The following PBRM1 variants were observed in gnomAD, a reference collection of about 807,000 sequenced individuals.
The protein encoded by PBRM1 is protein polybromo-1.
In PBRM1, 27 loss-of-function variants were observed where a neutral mutation model predicts 194.5. That is an observed-to-expected ratio of 0.14 (90% CI 0.10 to 0.19). The LOEUF is 0.19. Among genes scored for constraint, PBRM1 ranks in the 10% least tolerant of loss-of-function variants. The pLI is 1.00. For synonymous variants in PBRM1, 655 were observed against 693.2 expected (o/e 0.94, Z 0.87); for missense variants, 1,466 against 2,077.2 (o/e 0.71, Z 5.72).
intron 3 of PBRM1, among the ~76,000 whole-genome samples, chr3:52,664,590 C>A (rs1241398329): frequency 6.6e-6 from 1 of 151,606 alleles, no homozygotes; most frequent in Non-Finnish European, 1.5e-5. Flanking sequence ...CAAAAATTAG[C>A]CGGGCATGGT....
chr3:52,638,514 A>G (rs1286406836), intron 10 of PBRM1, among the ~76,000 whole-genome samples: 3 of 151,918 alleles, frequency 2.0e-5, no homozygotes, highest in African/African-American at 7.3e-5. Flanking sequence ...GTGCACCACC[A>G]TGCCTGGCTA....
intron 4 of PBRM1, among the ~76,000 whole-genome samples, chr3:52,660,233 G>C (rs1240594721): frequency 6.6e-6 from 1 of 152,134 alleles, no homozygotes; most frequent in African/African-American, 2.4e-5. Flanking sequence ...AGCCCTGAAG[G>C]CCTACACTAA....
At chr3:52,619,299 A>G (rs1433453053) in intron 13 of PBRM1, among the ~76,000 whole-genome samples, 2 of 152,262 alleles carry the variant, frequency 1.3e-5, no homozygotes, top group African/African-American at 4.8e-5. Context: ...ACCGAAATAC[A>G]TAGATGCTCA....
intron 2 of PBRM1, among the ~76,000 whole-genome samples, chr3:52,676,684 A>G (rs572810220): frequency 1.1e-3 from 163 of 152,332 alleles, no homozygotes; most frequent in Middle Eastern, 3.4e-3. Flanking sequence ...TTGGAACTGG[A>G]TAACAGGCAG....
At position 52,609,600 on chromosome 3, in the gene PBRM1, G is replaced by A; in HGVS notation, c.2280C>T (p.Arg760=). 1 of 1,613,034 alleles carries A rather than the reference G, an allele frequency of 6.2e-7. No individual in the cohort carries two copies. The highest frequency in any genetic ancestry group is 8.5e-7 in the Non-Finnish European group (1 of 1,179,550). The change falls in exon 16 of 30, where the codon CGC becomes CGT. Residue 760 remains arginine, a synonymous_variant. Coordinates refer to ENST00000296302, the Ensembl canonical transcript of PBRM1. This position sits in a 1 kb window ranked among gnomAD's most constrained non-coding sequence, Gnocchi z 4.1. ...AGTCCTCATCTCCCTCCAGGTCTCT[G>A]CGTGTTTCAAGCAGGACTTTGTGTA...
upstream of PBRM1, among the ~76,000 whole-genome samples, chr3:52,680,200 T>C (rs560148539): frequency 6.6e-6 from 1 of 152,228 alleles, no homozygotes; most frequent in Non-Finnish European, 1.5e-5. Context: ...GGCCATCATG[T>C]GGAAAAGAGC....
At chr3:52,549,891 T>A (rs1474149583) in intron 29 of PBRM1, among the ~76,000 whole-genome samples, 6 of 147,424 alleles carry the variant, frequency 4.1e-5, no homozygotes, top group Non-Finnish European at 8.9e-5. Flanking sequence ...GGCGACAGAG[T>A]GAGACTGTCT....
At chr3:52,562,505 T>C (rs981338667) in intron 24 of PBRM1, among the ~76,000 whole-genome samples, 6 of 151,482 alleles carry the variant, frequency 4.0e-5, no homozygotes, top group Non-Finnish European at 8.8e-5. Context: ...CAATCTGTAA[T>C]GGTGACCTCA....
chr3:52,652,723 C>T (rs905087932), intron 5 of PBRM1, among the ~76,000 whole-genome samples: 3 of 151,080 alleles, frequency 2.0e-5, no homozygotes, highest in African/African-American at 2.4e-5. Flanking sequence ...TTCGGCAAGG[C>T]GCGGTGGCTC....
At chr3:52,555,107 T>C (rs2081953654) in intron 26 of PBRM1, among the ~76,000 whole-genome samples, 1 of 152,252 alleles carries the variant, frequency 6.6e-6, no homozygotes, top group African/African-American at 2.4e-5. Context: ...CTATTATTTG[T>C]AGTTATTTTC....
At chr3:52,657,414 G>A (rs1031622044) in intron 5 of PBRM1, among the ~76,000 whole-genome samples, 33 of 152,016 alleles carry the variant, frequency 2.2e-4, no homozygotes, top group South Asian at 2.1e-4. Context: ...ATGATAGACC[G>A]TATACATTTT....
chr3:52,654,418 T>C (rs1304181331), intron 5 of PBRM1, among the ~76,000 whole-genome samples: 1 of 152,084 alleles, frequency 6.6e-6, no homozygotes, highest in East Asian at 1.9e-4. Flanking sequence ...CAGCATGGAG[T>C]ACAAAGTAAT....
intron 4 of PBRM1, among the ~76,000 whole-genome samples, chr3:52,661,140 C>G (rs1209332026): frequency 6.6e-6 from 1 of 152,172 alleles, no homozygotes; most frequent in African/African-American, 2.4e-5. Context: ...ATTATCCTGC[C>G]TCAGCCTCCA....
At chr3:52,566,703 G>A (rs1286101172) in intron 22 of PBRM1, among the ~76,000 whole-genome samples, 2 of 152,114 alleles carry the variant, frequency 1.3e-5, no homozygotes, top group Non-Finnish European at 2.9e-5. Flanking sequence ...TTTTTATTTG[G>A]GATAATGAAA....
chr3:52,625,080 C>T, intron 13 of PBRM1, 139 bp from the exon 15 acceptor site: 1 of 675,640 alleles, frequency 1.5e-6, no homozygotes, highest in Non-Finnish European at 2.7e-6. Context: ...AACATTTCAA[C>T]AAGGAAGACA....
intron 17 of PBRM1, among the ~76,000 whole-genome samples, chr3:52,595,917 T>A (rs747238870): frequency 2.0e-5 from 3 of 152,194 alleles, no homozygotes; most frequent in Non-Finnish European, 4.4e-5. Context: ...CCAATGTATA[T>A]TCTTGGCACT....
intron 17 of PBRM1, among the ~76,000 whole-genome samples, chr3:52,592,751 A>G (rs150532245): frequency 1.2e-3 from 178 of 152,242 alleles, no homozygotes; most frequent in African/African-American, 4.1e-3. Flanking sequence ...TTCTTTGTAC[A>G]TCTGGTAGAA....
At chr3:52,653,274 T>C (rs1295451333) in intron 5 of PBRM1, among the ~76,000 whole-genome samples, 1 of 152,174 alleles carries the variant, frequency 6.6e-6, no homozygotes, top group Non-Finnish European at 1.5e-5. Context: ...ACAAAATACC[T>C]TTTGAATGAA....
At chr3:52,674,971 A>G (rs575893499) in intron 2 of PBRM1, among the ~76,000 whole-genome samples, 1 of 152,198 alleles carries the variant, frequency 6.6e-6, no homozygotes, top group South Asian at 2.1e-4. Flanking sequence ...GTCTCAAAAA[A>G]AGACAGAAAG....
Sources: gnomAD v4.1 joint callset for allele counts (sites outside exome capture counted in the v4.1 genomes callset) on GRCh38, gnomAD v4.1.1 for gene constraint, Gnocchi (gnomAD v3.1) non-coding constraint, MANE v1.5 for transcripts, NCBI Gene and HGNC (gene_info 2026-07-23, HGNC 2026-07-21) for gene names.